Variants in TIAL1 observed in about 807,000 individuals in gnomAD.
The protein encoded by TIAL1 is nucleolysin TIAR.
TIAL1 carries 7 observed loss-of-function variants against 59.7 expected under a neutral mutation model. That is an observed-to-expected ratio of 0.12 (90% CI 0.07 to 0.22). The LOEUF is 0.22. TIAL1 is among the 10% of genes least tolerant of loss of function. TIAL1 has a pLI of 1.00. For missense variants in TIAL1, 225 were observed against 462.5 expected, an observed-to-expected ratio of 0.49 and a Z score of 4.71; for synonymous variants, 149 against 146.3, an observed-to-expected ratio of 1.02 and a Z score of -0.13.
chr10:119,584,530 TA>T (rs1423399604), intron 2 of TIAL1, among the ~76,000 whole-genome samples: 1 of 152,088 alleles, frequency 6.6e-6, no homozygotes, highest in Non-Finnish European at 1.5e-5. Context: ...AGTGACATCC[TA>T]AAAATCAATT....
chr10:119,589,601 T>C lies in TIAL1; in HGVS notation c.33-1353A>G, dbSNP rs568052591. Reference sequence around the variant, plus strand: ...AGACAAATCCAGGCATACTTTTGACTATGGACACTTAAAAATTTGGGTTTT... The same window carrying C: ...AGACAAATCCAGGCATACTTTTGACCATGGACACTTAAAAATTTGGGTTTT... On this transcript the variant is annotated intron_variant, in intron 1 of 11. Transcript: ENST00000436547. Among the ~76,000 whole-genome samples the C allele has an allele frequency of 2.6e-5, 4 of 152,332 alleles. No individual in the cohort carries two copies. The East Asian group carries it at 7.7e-4, about 29-fold the overall frequency.
chr10:119,580,930 GA>G, intron 5 of TIAL1: 2 of 651,346 alleles, frequency 3.1e-6, no homozygotes, highest in South Asian at 2.3e-5. Flanking sequence ...AATAAAGATT[GA>G]AAAACAGCAA....
chr10:119,596,781 A>G lies in TIAL1; in HGVS notation c.-316T>C. On this transcript the variant is annotated 5_prime_UTR_variant, in exon 1 of 12. Transcript: ENST00000436547. ...GCCTGCAAGGGGGACGACCGAGGGG[A>G]GAGAAAAAAGGGCCGCCGAGGAAAC... 2.4e-6 allele frequency: 1 copy of G among 421,150 alleles called. No individual in the cohort carries two copies. The highest frequency in any genetic ancestry group is 4.3e-6 in the Non-Finnish European group (1 of 231,934). 26.1% of individuals were successfully genotyped at this position (421,150 alleles called of 1,614,324 possible).
chr10:119,575,721 CA>C lies in TIAL1; in HGVS notation c.1071del (p.Val358Ter). The C allele has an allele frequency of 6.2e-7, 1 of 1,611,020 alleles. No individual in the cohort carries two copies. The highest frequency in any genetic ancestry group is 8.5e-7 in the Non-Finnish European group (1 of 1,178,748). ...AQPPQGQAPP[P>X]VIPPPNQAGY... ...CCGGCTTGGTTAGGAGGAGGTATTACAGGGGGAGGAGCTTGTCCTTGGGGAG... is the reference window on the plus strand; with the variant it reads ...CCGGCTTGGTTAGGAGGAGGTATTACGGGGGAGGAGCTTGTCCTTGGGGAG... On this transcript the variant is annotated frameshift_variant, in exon 12 of 12. Coordinates refer to ENST00000436547, the MANE Select transcript of TIAL1 (RefSeq NM_003252.4). LOFTEE classifies it high-confidence loss of function.
At chr10:119,595,437 T>TAAA (rs3064561) in intron 1 of TIAL1, among the ~76,000 whole-genome samples, 30,551 of 139,520 alleles carry the variant, frequency 0.22, 3,502 homozygotes, top group East Asian at 0.46. Context: ...TATTCAGACT[T>TAAA]AAAAAAAAAA....
intron 2 of TIAL1, among the ~76,000 whole-genome samples, chr10:119,583,261 G>A (rs543522666): frequency 1.1e-4 from 16 of 152,220 alleles, no homozygotes; most frequent in Non-Finnish European, 1.6e-4. Context: ...CAAGAAAAGA[G>A]GTTCTGAAAA....
intron 7 of TIAL1, 151 bp downstream of exon 7, chr10:119,578,575 G>A (rs1845145750): frequency 4.6e-6 from 3 of 656,254 alleles, no homozygotes; most frequent in Non-Finnish European, 5.3e-6. Context: ...AGGCTACAGT[G>A]AGCTAAGATC....
intron 2 of TIAL1, among the ~76,000 whole-genome samples, chr10:119,585,014 T>C (rs1845486814): frequency 6.6e-6 from 1 of 150,884 alleles, no homozygotes; most frequent in Non-Finnish European, 1.5e-5. Context: ...TCCCAGCTAC[T>C]TGGGAGGCTG....
At chr10:119,578,035 A>C (rs1255395387) in intron 7 of TIAL1, among the ~76,000 whole-genome samples, 1 of 151,844 alleles carries the variant, frequency 6.6e-6, no homozygotes, top group Non-Finnish European at 1.5e-5. Context: ...GACCAGCCTG[A>C]CCAACACGGT....
intron 1 of TIAL1, among the ~76,000 whole-genome samples, chr10:119,589,281 C>G (rs1845730549): frequency 6.6e-6 from 1 of 152,242 alleles, no homozygotes; most frequent in African/African-American, 2.4e-5. Context: ...TCTCAGCTCA[C>G]TGCAACCTCC....
chr10:119,577,429 G>T lies in TIAL1; in HGVS notation c.737+22C>A, dbSNP rs1335627007. 2.5e-6 allele frequency: 4 copies of T among 1,579,552 alleles called. No homozygotes were observed. In the Admixed American group the frequency reaches 6.8e-5, roughly 27 times the overall value. On this transcript the variant is annotated intron_variant, in intron 9 of 11. Transcript: ENST00000436547. ...ATGAATCAAATATAAGAGTAATAAT[G>T]ATATTTCAAGTAGAGTGTTACCTGA... is the stretch of plus-strand genomic sequence containing the variant.
intron 2 of TIAL1, among the ~76,000 whole-genome samples, chr10:119,585,474 T>C (rs1845524545): frequency 6.6e-6 from 1 of 151,220 alleles, no homozygotes; most frequent in South Asian, 2.1e-4. Context: ...AAAAAATCCG[T>C]TATGTCCCTA....
At chr10:119,587,049 A>C (rs1845601854) in intron 2 of TIAL1, among the ~76,000 whole-genome samples, 5 of 152,260 alleles carry the variant, frequency 3.3e-5, no homozygotes, top group Admixed American at 3.3e-4. Context: ...AATTAAAGGC[A>C]GGAAGGAAAA....
In TIAL1 at chr10:119,574,665, T is replaced by G. The variant is rs1480833373; in HGVS notation, c.*1000A>C. The G allele has an allele frequency of 2.0e-5, 3 of 151,620 alleles. No individual in the cohort carries two copies. The allele number at this position is 151,620 out of a possible 1,614,324, so 9.4% of individuals were successfully genotyped here. A position where few individuals can be genotyped will look rare whatever the true frequency, so the allele number is the denominator to read the frequency against. ...TAGAACATACTAATGCATCAAAGAT[T>G]GTATGAAATTAAAATTAAGGCTTTT... On this transcript the variant is annotated 3_prime_UTR_variant, in exon 12 of 12. Coordinates refer to ENST00000436547, the MANE Select transcript of TIAL1 (RefSeq NM_003252.4).
intron 6 of TIAL1, among the ~76,000 whole-genome samples, chr10:119,579,271 G>A (rs1845185574): frequency 6.6e-6 from 1 of 152,080 alleles, no homozygotes; most frequent in South Asian, 2.1e-4. Context: ...CCGGGAGGTG[G>A]AGGTTGCAGT....
chr10:119,575,892 C>T, intron 11 of TIAL1, 101 bp from the exon 12 acceptor site: 1 of 1,231,138 alleles, frequency 8.1e-7, no homozygotes, highest in Non-Finnish European at 1.1e-6. Flanking sequence ...GAATAGAAAA[C>T]CAGAAATCAA....
At chr10:119,591,170 G>A (rs1281794752) in intron 1 of TIAL1, among the ~76,000 whole-genome samples, 5 of 152,020 alleles carry the variant, frequency 3.3e-5, no homozygotes, top group East Asian at 3.9e-4. Context: ...CTGGGAAGCC[G>A]AGGCAGGTGG....
chr10:119,578,634 C>T (rs989733214), intron 7 of TIAL1, 92 bp downstream of exon 7: 1 of 1,153,542 alleles, frequency 8.7e-7, no homozygotes, highest in Non-Finnish European at 1.3e-6. Flanking sequence ...CTGTCTCTTA[C>T]ATAAATAAAT....
In TIAL1 at chr10:119,582,431, A is replaced by T. The variant is rs1227294617; in HGVS notation, c.228+28T>A. ...GTTTGACATGCAAATATATGTACTC[A>T]TAAGGTGCCATCATCCTATTATCTT... is the stretch of plus-strand genomic sequence containing the variant. On this transcript the variant is annotated intron_variant, in intron 3 of 11. Transcript: ENST00000436547. This position sits in a 1 kb window ranked among gnomAD's most constrained non-coding sequence, Gnocchi z 5.1. 3 of 1,568,656 alleles carry T rather than the reference A, an allele frequency of 1.9e-6. No individual in the cohort carries two copies. The highest frequency in any genetic ancestry group is 2.6e-6 in the Non-Finnish European group (3 of 1,163,408).
Sources: allele counts gnomAD v4.1 joint callset (sites outside exome capture counted in the v4.1 genomes callset), GRCh38; gene constraint gnomAD v4.1.1; non-coding constraint Gnocchi (gnomAD v3.1); transcripts MANE v1.5; gene names NCBI Gene and HGNC (gene_info 2026-07-23, HGNC 2026-07-21).